The following DAAM1 variants were observed in gnomAD, a reference collection of about 807,000 sequenced individuals.
The protein encoded by DAAM1 is dishevelled associated activator of morphogenesis 1, also known as disheveled-associated activator of morphogenesis 1.
In DAAM1, 52 loss-of-function variants were observed where a neutral mutation model predicts 130.0. That is an observed-to-expected ratio of 0.40 (90% confidence interval 0.32 to 0.50). The LOEUF (loss-of-function observed/expected upper bound fraction) is 0.50, where lower values mean the gene tolerates loss of function less well. Among genes scored for constraint, DAAM1 ranks in the 20% least tolerant of loss-of-function variants. The pLI is 0.61. For missense variants in DAAM1, 1,134 were observed against 1,303.8 expected (o/e 0.87, Z 2.01); for synonymous variants, 452 against 444.5 (o/e 1.02, Z -0.21).
chr14:59,307,138 T>C (rs1299205112), intron 3 of DAAM1, among the ~76,000 whole-genome samples: 1 of 152,244 alleles, frequency 6.6e-6, no homozygotes, highest in East Asian at 1.9e-4. Flanking sequence ...ATAGACTAAA[T>C]ATCCTGTCTA....
At position 59,360,874 on chromosome 14, in the gene DAAM1, T is replaced by G. The variant is rs759454035; in HGVS notation, c.2694+12T>G. 2.5e-5 allele frequency: 40 copies of G among 1,613,024 alleles called. No homozygotes were observed. Among genetic ancestry groups the G allele is most frequent in the South Asian group, 5.5e-5 (5 of 90,868 alleles). ...AAGCAGTAGAGACAGTGAGTATTTT[T>G]TTGTTGTTGTTCTAATTCCTGGTCT... On this transcript the variant is annotated intron_variant, in intron 22 of 24. Transcript: ENST00000360909.
intron 16 of DAAM1, among the ~76,000 whole-genome samples, chr14:59,340,984 C>G (rs1440991674): frequency 2.6e-5 from 4 of 152,138 alleles, no homozygotes; most frequent in Non-Finnish European, 5.9e-5. Flanking sequence ...TGCATTGAGG[C>G]TGGTATAAGG....
chr14:59,319,371 A>G (rs187545098), intron 4 of DAAM1, among the ~76,000 whole-genome samples: 4 of 152,324 alleles, frequency 2.6e-5, no homozygotes, highest in Admixed American at 2.6e-4. Context: ...GCTTTTAGTT[A>G]ACATTAGTTA....
intron 1 of DAAM1, among the ~76,000 whole-genome samples, chr14:59,231,094 CTTTG>C (rs1420090058): frequency 6.6e-6 from 1 of 152,136 alleles, no homozygotes; most frequent in African/African-American, 2.4e-5. Context: ...GTACATATTA[CTTTG>C]TTTATTAAAC....
intron 3 of DAAM1, among the ~76,000 whole-genome samples, chr14:59,311,737 T>G (rs193128551): frequency 6.6e-6 from 1 of 152,306 alleles, no homozygotes; most frequent in African/African-American, 2.4e-5. Flanking sequence ...TCTTTATTGT[T>G]TGTGAGATAG....
intron 21 of DAAM1, chr14:59,360,531 T>G (rs1469781191): frequency 3.8e-6 from 1 of 266,578 alleles, no homozygotes; most frequent in Non-Finnish European, 7.0e-6. Context: ...GTTTGAAACA[T>G]AAAATATTTT....
At chr14:59,365,279 A>G (rs1886873369) in intron 23 of DAAM1, among the ~76,000 whole-genome samples, 1 of 152,164 alleles carries the variant, frequency 6.6e-6, no homozygotes, top group Non-Finnish European at 1.5e-5. Flanking sequence ...TTCCTTGATA[A>G]AAAGATCACT....
chr14:59,359,206 T>C (rs914561725), intron 20 of DAAM1, 191 bp from the exon 21 acceptor site: 12 of 495,020 alleles, frequency 2.4e-5, no homozygotes, highest in Non-Finnish European at 3.6e-5. Flanking sequence ...TCTCCCATTA[T>C]TCCTGTCTCT....
intron 3 of DAAM1, among the ~76,000 whole-genome samples, chr14:59,310,690 A>C (rs1434213289): frequency 3.3e-5 from 5 of 152,212 alleles, no homozygotes; most frequent in African/African-American, 1.2e-4. Context: ...TATCTCCACT[A>C]TATTTGAGAT....
At chr14:59,283,206 C>A (rs1566683358) in intron 2 of DAAM1, among the ~76,000 whole-genome samples, 1 of 152,110 alleles carries the variant, frequency 6.6e-6, no homozygotes, top group Admixed American at 6.6e-5. Context: ...CCAAATGTTA[C>A]CCCCAAAACT....
In DAAM1 at chr14:59,307,742, A is replaced by T. The variant is rs1418747356; in HGVS notation, c.274-7538A>T. 3.3e-5 allele frequency among the ~76,000 whole-genome samples: 5 copies of T among 152,176 alleles called. No individual in the cohort carries two copies. The East Asian group carries it at 9.6e-4, about 29-fold the overall frequency. The stretch of plus-strand genomic sequence containing the variant: ...AAAAATTCCTATGATATGTGAACGG[A>T]TGGTTATACAGGAGAATAGTGGAGA... On this transcript the variant is annotated intron_variant, in intron 3 of 24. Transcript: ENST00000360909.
At chr14:59,304,256 G>A (rs986405963) in intron 3 of DAAM1, among the ~76,000 whole-genome samples, 6 of 152,210 alleles carry the variant, frequency 3.9e-5, no homozygotes, top group Non-Finnish European at 7.3e-5. Context: ...CACGTTTCCT[G>A]TGTCTTTCCT....
At chr14:59,350,062 T>A (rs1166219006) in intron 17 of DAAM1, among the ~76,000 whole-genome samples, 1 of 152,036 alleles carries the variant, frequency 6.6e-6, no homozygotes, top group African/African-American at 2.4e-5. Flanking sequence ...CCTTCCTCCC[T>A]TACTTCCCTG....
chr14:59,193,010 G>A (rs1887777465), intron 1 of DAAM1, among the ~76,000 whole-genome samples: 1 of 152,198 alleles, frequency 6.6e-6, no homozygotes, highest in South Asian at 2.1e-4. Context: ...CGGAGATTGC[G>A]CCACTGAACT....
chr14:59,282,733 G>T (rs1418767328), intron 2 of DAAM1, among the ~76,000 whole-genome samples: 4 of 152,138 alleles, frequency 2.6e-5, no homozygotes, highest in Non-Finnish European at 5.9e-5. Flanking sequence ...CTGGAAAACA[G>T]TATAATAATA....
intron 1 of DAAM1, among the ~76,000 whole-genome samples, chr14:59,189,599 G>C (rs1423039465): frequency 2.0e-5 from 3 of 152,298 alleles, no homozygotes; most frequent in African/African-American, 7.2e-5. Context: ...GGTAGCGCGG[G>C]GGTGGAGGTG....
chr14:59,268,667 C>A (rs1015718728), intron 2 of DAAM1, among the ~76,000 whole-genome samples: 6 of 152,308 alleles, frequency 3.9e-5, no homozygotes, highest in African/African-American at 1.4e-4. Context: ...GGGATATTTA[C>A]AAATAAAACC....
chr14:59,326,637 T>C lies in DAAM1; in HGVS notation c.1302T>C (p.Asn434=). ...CTTTGGAAAACTTTAATATTAAGAA[T>C]GTCGTACGAATGTAAGTCTCTTCTT... The part of the protein sequence containing the change: ...STPLENFNIK[N]VVRMLVNENE... The change falls in exon 11 of 25, where the codon AAT becomes AAC. Residue 434 remains asparagine, a synonymous_variant. Coordinates refer to ENST00000360909, the MANE Select transcript of DAAM1 (RefSeq NM_001270520.2). 6.2e-7 allele frequency: 1 copy of C among 1,612,562 alleles called. No homozygotes were observed. The highest frequency in any genetic ancestry group is 8.5e-7 in the Non-Finnish European group (1 of 1,179,636).
At chr14:59,231,853 T>C (rs1889118946) in intron 1 of DAAM1, among the ~76,000 whole-genome samples, 1 of 152,206 alleles carries the variant, frequency 6.6e-6, no homozygotes, top group Admixed American at 6.5e-5. Context: ...AAATATGTCC[T>C]TTCAAAATGC....
Sources: allele counts gnomAD v4.1 joint callset (sites outside exome capture counted in the v4.1 genomes callset), GRCh38; gene constraint gnomAD v4.1.1; transcripts MANE v1.5; gene names NCBI Gene and HGNC (gene_info 2026-07-23, HGNC 2026-07-21).